PKHD1: variants seen among roughly 807,000 people sequenced by gnomAD.
PKHD1 encodes the protein fibrocystin.
PKHD1 carries 291 observed loss-of-function variants against 412.0 expected under a neutral mutation model. The observed-to-expected ratio is 0.71, with a 90% CI of 0.64 to 0.78. The LOEUF is 0.78. Among genes scored for constraint, PKHD1 ranks in the 30% least tolerant of loss-of-function variants. The pLI is 0.00. For synonymous variants in PKHD1, 1,777 were observed against 1,821.5 expected (o/e 0.98, Z 0.62); for missense variants, 4,825 against 4,950.7 (o/e 0.97, Z 0.76).
intron 66 of PKHD1, among the ~76,000 whole-genome samples, chr6:51,621,166 A>G (rs1766567076): frequency 6.6e-6 from 1 of 152,136 alleles, no homozygotes. Context: ...TCCTTATGTA[A>G]CAGTCTCATC....
intron 37 of PKHD1, among the ~76,000 whole-genome samples, chr6:51,912,875 C>T (rs1394547190): frequency 3.3e-5 from 5 of 152,060 alleles, no homozygotes; most frequent in East Asian, 1.9e-4. Flanking sequence ...ATTTGAATCA[C>T]GATCTTTTCA....
At chr6:51,668,522 T>C (rs1774270075) in intron 60 of PKHD1, among the ~76,000 whole-genome samples, 1 of 152,154 alleles carries the variant, frequency 6.6e-6, no homozygotes, top group East Asian at 1.9e-4. Context: ...CTTTTCCTAA[T>C]TGAATACCCT....
rs1422976761 is a variant in PKHD1, at chr6:51,870,548, TTGA to T, written c.7439_7441del (p.Ile2480del). The T allele has an allele frequency of 6.2e-7, 1 of 1,612,114 alleles. No homozygotes were observed. The highest frequency in any genetic ancestry group is 2.2e-5 in the East Asian group (1 of 44,854). On this transcript the variant is annotated inframe_deletion, in exon 47 of 67. Coordinates refer to ENST00000371117, the MANE Select transcript of PKHD1 (RefSeq NM_138694.4). The stretch of plus-strand genomic sequence containing the variant: ...TGAACAGGTTCTAATGGCCACACAG[TTGA>T]TGAGATCAAAATTAACAAAGGTTGT...
At chr6:51,661,241 CAGATATAGATT>C (rs1442401358) in intron 60 of PKHD1, among the ~76,000 whole-genome samples, 2 of 151,744 alleles carry the variant, frequency 1.3e-5, no homozygotes, top group African/African-American at 2.4e-5. Context: ...AATATAGATA[CAGATATAGATT>C]AGATATAGAT....
chr6:51,842,228 G>A (rs868360745), intron 50 of PKHD1, among the ~76,000 whole-genome samples: 36 of 152,284 alleles, frequency 2.4e-4, no homozygotes, highest in Middle Eastern at 6.8e-3. Flanking sequence ...CTCACACAAT[G>A]TCCCAGCTCG....
chr6:51,765,238 C>A (rs995871476), intron 55 of PKHD1, among the ~76,000 whole-genome samples: 33 of 151,916 alleles, frequency 2.2e-4, no homozygotes, highest in Non-Finnish European at 4.9e-4. Context: ...CTTCCAGAGT[C>A]CCAGATACAT....
chr6:51,928,295 A>T (rs576461960), intron 37 of PKHD1, among the ~76,000 whole-genome samples: 2 of 152,304 alleles, frequency 1.3e-5, no homozygotes, highest in South Asian at 2.1e-4. Flanking sequence ...ATTGGTAACC[A>T]AGGTGTTTTT....
chr6:51,910,619 T>C (rs1782792942), intron 39 of PKHD1, among the ~76,000 whole-genome samples: 1 of 152,140 alleles, frequency 6.6e-6, no homozygotes, highest in Non-Finnish European at 1.5e-5. Flanking sequence ...AGATTTATAA[T>C]GGCTTAAACC....
intron 35 of PKHD1, among the ~76,000 whole-genome samples, chr6:52,007,259 T>C (rs1799206454): frequency 3.3e-5 from 5 of 152,188 alleles, no homozygotes; most frequent in Admixed American, 3.3e-4. Flanking sequence ...CTTTAAGGAA[T>C]CTCCACACTG....
At chr6:51,838,452 G>T (rs919905914) in intron 50 of PKHD1, among the ~76,000 whole-genome samples, 1 of 152,174 alleles carries the variant, frequency 6.6e-6, no homozygotes, top group East Asian at 1.9e-4. Flanking sequence ...ACCTCCAGGA[G>T]AACTCCCTAC....
At chr6:51,633,310 C>T (rs1051940411) in intron 64 of PKHD1, among the ~76,000 whole-genome samples, 2 of 151,986 alleles carry the variant, frequency 1.3e-5, no homozygotes, top group African/African-American at 4.8e-5. Context: ...GAAACTCCTC[C>T]CATTTATGGA....
At position 51,659,609 on chromosome 6, in the gene PKHD1, G is replaced by A. The variant is rs1448285856; in HGVS notation, c.10517C>T (p.Pro3506Leu). The A allele has an allele frequency of 6.2e-7, 1 of 1,613,754 alleles. No homozygotes were observed. The highest frequency in any genetic ancestry group is 8.5e-7 in the Non-Finnish European group (1 of 1,179,864). Residue 3506 changes from proline (P) to leucine (L), a missense_variant, in exon 61 of 67, where the codon CCC (proline) becomes CTC (leucine). Transcript: ENST00000371117. ...LAVFYHELQS[P>L]HVFLGESFIP... Reference sequence around the variant, plus strand: ...AAAACTTTCCCCTAAGAAGACGTGGGGGCTCTGGAGCTCATGGTAGAATAC... The same window carrying A: ...AAAACTTTCCCCTAAGAAGACGTGGAGGCTCTGGAGCTCATGGTAGAATAC...
chr6:51,821,319 T>G (rs1403589101), intron 52 of PKHD1, among the ~76,000 whole-genome samples: 1 of 152,184 alleles, frequency 6.6e-6, no homozygotes, highest in African/African-American at 2.4e-5. Context: ...TCATTCTGGT[T>G]TGCCTCAGAC....
intron 49 of PKHD1, among the ~76,000 whole-genome samples, chr6:51,852,115 G>T (rs1213348484): frequency 6.6e-6 from 1 of 151,962 alleles, no homozygotes; most frequent in African/African-American, 2.4e-5. Context: ...TCTTTGTTCT[G>T]ATTGGTTTCA....
rs1375859861 is a variant in PKHD1, at chr6:52,025,395, C to A, written c.4415G>T (p.Cys1472Phe). The A allele has an allele frequency of 2.5e-6, 4 of 1,611,194 alleles. No individual in the cohort carries two copies. Among genetic ancestry groups the A allele is most frequent in the Non-Finnish European group, 3.4e-6 (4 of 1,177,858 alleles). The change falls in exon 32 of 67, where the codon TGT (cysteine) becomes TTT (phenylalanine). Residue 1472 changes from cysteine (C) to phenylalanine (F), a missense_variant. By Grantham distance (205) the Cys-to-Phe change is radical. Coordinates refer to ENST00000371117, the MANE Select transcript of PKHD1 (RefSeq NM_138694.4). Reference protein sequence around the residue: ...TVLVNGLTSECQGNCTLFIRE... With the variant: ...TVLVNGLTSEFQGNCTLFIRE... ...TATGAAAAGAGTGCAATTCCCCTGA[C>A]ACTCGCTGGTTAGCCCATTGACCAG...
Position 51,855,969 on chromosome 6 carries a change from C to A in PKHD1, c.7835G>T (p.Gly2612Val). Residue 2612 changes from glycine (G) to valine (V), a missense_variant, in exon 49 of 67, where the codon GGC becomes GTC. Gly to Val is a moderately radical substitution (Grantham distance 109). Transcript: ENST00000371117. ...YVRDTLSNPR[G>V]WMALLLDQET... The stretch of plus-strand genomic sequence containing the variant: ...TTGGTCCAAGAGCAGAGCCATCCAG[C>A]CACGAGGGTTAGACAATGTATCACG... 5 of 1,613,112 alleles carry A rather than the reference C, an allele frequency of 3.1e-6. No individual in the cohort carries two copies. The highest frequency in any genetic ancestry group is 4.2e-6 in the Non-Finnish European group (5 of 1,179,080).
Position 51,626,997 on chromosome 6 carries a change from C to T in PKHD1, c.11785G>A (p.Asp3929Asn), listed in dbSNP as rs374321883. 9.4e-5 allele frequency: 152 copies of T among 1,613,474 alleles called. No individual in the cohort carries two copies. Among genetic ancestry groups the T allele is most frequent in the Non-Finnish European group, 1.2e-4 (138 of 1,179,552 alleles). ...PKKEDTVVGE[D>N]MRMKVMLGKV... The stretch of plus-strand genomic sequence containing the variant: ...GATCATCTCCACCCTCCAAGCTTAC[C>T]TTCTCCCACCACAGTGTCTTCTTTT... Residue 3929 changes from aspartate (D) to asparagine (N), a missense_variant and splice_region_variant, in exon 66 of 67, where the codon GAT becomes AAT. Physicochemically the swap from Asp to Asn is conservative, Grantham distance 23. Transcript: ENST00000371117.
chr6:51,706,894 T>A (rs1780080601), intron 60 of PKHD1, among the ~76,000 whole-genome samples: 1 of 152,206 alleles, frequency 6.6e-6, no homozygotes, highest in Non-Finnish European at 1.5e-5. Context: ...AGTTGAACTC[T>A]CAAAATTATT....
intron 50 of PKHD1, among the ~76,000 whole-genome samples, chr6:51,844,388 A>T (rs893296563): frequency 1.3e-5 from 2 of 152,242 alleles, no homozygotes; most frequent in Admixed American, 1.3e-4. Context: ...CTTGGTAGAA[A>T]AGAAAAATGC....
Sources: allele counts gnomAD v4.1 joint callset (sites outside exome capture counted in the v4.1 genomes callset), GRCh38; gene constraint gnomAD v4.1.1; transcripts MANE v1.5; gene names NCBI Gene and HGNC (gene_info 2026-07-23, HGNC 2026-07-21).